PARM1: variants seen among roughly 807,000 people sequenced by gnomAD.
PARM1 encodes the protein prostate androgen-regulated mucin-like protein 1, also known as WSC4, cell wall integrity and stress response component 4 homolog.
In PARM1, 14 loss-of-function variants were observed where a neutral mutation model predicts 24.6. That is an observed-to-expected ratio of 0.57 (90% CI 0.38 to 0.89). PARM1 has a LOEUF of 0.89. Ranked by LOEUF, PARM1 falls within the 40% of genes least tolerant of loss-of-function variation. PARM1 has a pLI of 0.00. For synonymous variants in PARM1, 179 were observed against 156.6 expected, an observed-to-expected ratio of 1.14 and a Z score of -1.07; for missense variants, 362 against 380.4, an observed-to-expected ratio of 0.95 and a Z score of 0.40.
intron 1 of PARM1, among the ~76,000 whole-genome samples, chr4:74,977,632 T>C (rs980058864): frequency 1.3e-5 from 2 of 152,070 alleles, no homozygotes; most frequent in Non-Finnish European, 2.9e-5. Flanking sequence ...TAAAATACTC[T>C]ATGAGAAAAA....
chr4:75,039,528 AAAAAT>A (rs1376921362), intron 3 of PARM1, among the ~76,000 whole-genome samples: 4 of 152,184 alleles, frequency 2.6e-5, no homozygotes, highest in African/African-American at 7.2e-5. Context: ...AGCGAGAAAA[AAAAAT>A]AAAATAAAAT....
At position 74,949,404 on chromosome 4, in the gene PARM1, C is replaced by T. The variant is rs190124998; in HGVS notation, c.43+16034C>T. Among the ~76,000 whole-genome samples the T allele has an allele frequency of 8.2e-3, 1,246 of 152,180 alleles. 8 individuals carry two copies. Among genetic ancestry groups the T allele is most frequent in the Middle Eastern group, 0.014 (4 of 294 alleles). ...CACGATCTCGGCTCACTGCAAGCTC[C>T]GCCTCCCAGTTTCACGCCATCCTCC... On this transcript the variant is annotated intron_variant, in intron 1 of 3. Transcript: ENST00000307428.
At chr4:75,038,360 G>A (rs967003840) in intron 3 of PARM1, among the ~76,000 whole-genome samples, 21 of 152,344 alleles carry the variant, frequency 1.4e-4, no homozygotes, top group Non-Finnish European at 2.6e-4. Flanking sequence ...TGAGGATGAT[G>A]GAAGGTCAAT....
At chr4:74,954,269 T>C (rs951485608) in intron 1 of PARM1, among the ~76,000 whole-genome samples, 3 of 152,218 alleles carry the variant, frequency 2.0e-5, no homozygotes, top group African/African-American at 7.2e-5. Flanking sequence ...TAGGAGGGCA[T>C]AGAAAACTTG....
chr4:74,976,926 G>A (rs570054194), intron 1 of PARM1, among the ~76,000 whole-genome samples: 58 of 152,236 alleles, frequency 3.8e-4, no homozygotes, highest in African/African-American at 1.4e-3. Context: ...ATATTGACAA[G>A]AAGACCCTAC....
At chr4:74,975,880 AC>A (rs1722131357) in intron 1 of PARM1, among the ~76,000 whole-genome samples, 1 of 152,170 alleles carries the variant, frequency 6.6e-6, no homozygotes, top group African/African-American at 2.4e-5. Flanking sequence ...TAAATCCTAC[AC>A]CTTCAGCACA....
At chr4:74,999,962 T>G (rs1202866595) in intron 1 of PARM1, among the ~76,000 whole-genome samples, 1 of 151,962 alleles carries the variant, frequency 6.6e-6, no homozygotes, top group Non-Finnish European at 1.5e-5. Context: ...GTTTTTGTCT[T>G]TTTTTTTCCT....
At chr4:74,976,948 C>T (rs1009205987) in intron 1 of PARM1, among the ~76,000 whole-genome samples, 1 of 152,260 alleles carries the variant, frequency 6.6e-6, no homozygotes, top group South Asian at 2.1e-4. Context: ...AAAACCCTAT[C>T]CAAAGGTCAT....
At chr4:74,949,328 C>CT (rs900576358) in intron 1 of PARM1, among the ~76,000 whole-genome samples, 23 of 151,882 alleles carry the variant, frequency 1.5e-4, no homozygotes, top group Non-Finnish European at 5.9e-5. Context: ...GGTCAGTTTT[C>CT]TTTTTTTTGA....
chr4:75,029,170 T>A (rs1486576302), intron 2 of PARM1, among the ~76,000 whole-genome samples: 1 of 152,072 alleles, frequency 6.6e-6, no homozygotes, highest in Non-Finnish European at 1.5e-5. Context: ...CTGGACTGCC[T>A]CAGGGTATAG....
intron 2 of PARM1, among the ~76,000 whole-genome samples, chr4:75,030,568 C>G (rs1429562345): frequency 6.6e-6 from 1 of 152,178 alleles, no homozygotes; most frequent in East Asian, 1.9e-4. Flanking sequence ...CTTCACCAGC[C>G]CTCTGGATAG....
chr4:74,987,790 G>A (rs1722385043), intron 1 of PARM1, among the ~76,000 whole-genome samples: 1 of 152,174 alleles, frequency 6.6e-6, no homozygotes, highest in Non-Finnish European at 1.5e-5. Flanking sequence ...AAAATCAGAT[G>A]TAAAGAAGCA....
chr4:74,992,395 C>T (rs539110003), intron 1 of PARM1, among the ~76,000 whole-genome samples: 6 of 152,062 alleles, frequency 3.9e-5, no homozygotes, highest in Non-Finnish European at 7.4e-5. Flanking sequence ...TACACATGTC[C>T]TCAAAGAAAG....
intron 1 of PARM1, among the ~76,000 whole-genome samples, chr4:74,951,102 G>T (rs140509883): frequency 6.6e-6 from 1 of 152,216 alleles, no homozygotes; most frequent in African/African-American, 2.4e-5. Context: ...AATAGCAGCC[G>T]TTCTGGTAAC....
At position 74,933,280 on chromosome 4, in the gene PARM1, A is replaced by G; in HGVS notation, c.-48A>G. ...CGCCCAGTGCGCTCTGTCAGTCCGC[A>G]AACTCCTTGCCGCCCGCCCCGGGCT... On this transcript the variant is annotated 5_prime_UTR_variant, in exon 1 of 4. Coordinates refer to ENST00000307428, the MANE Select transcript of PARM1 (RefSeq NM_015393.4). 6.3e-7 allele frequency: 1 copy of G among 1,580,002 alleles called. No homozygotes were observed. Among genetic ancestry groups the G allele is most frequent in the African/African-American group, 1.3e-5 (1 of 74,080 alleles).
rs1047873022 is a variant in PARM1 at position 75,026,407 on chromosome 4, A to G, written c.770-7476A>G. The stretch of plus-strand genomic sequence containing the variant: ...ATAATATGCATAACCACCCACAGCT[A>G]CATATGGCAGTATCAGTTACATACT... On this transcript the variant is annotated intron_variant, in intron 2 of 3. Coordinates refer to ENST00000307428, the MANE Select transcript of PARM1 (RefSeq NM_015393.4). Among the ~76,000 whole-genome samples the G allele has an allele frequency of 3.3e-4, 50 of 152,368 alleles. 1 individual carries two copies. Among genetic ancestry groups the G allele is most frequent in the Middle Eastern group, 3.4e-3 (1 of 294 alleles).
chr4:74,998,108 C>T (rs1460258349), intron 1 of PARM1, among the ~76,000 whole-genome samples: 3 of 152,162 alleles, frequency 2.0e-5, no homozygotes, highest in Non-Finnish European at 4.4e-5. Flanking sequence ...GTACTCCAAT[C>T]ACAGTGCCAA....
At chr4:74,991,351 C>T (rs952585677) in intron 1 of PARM1, among the ~76,000 whole-genome samples, 1 of 152,064 alleles carries the variant, frequency 6.6e-6, no homozygotes, top group Non-Finnish European at 1.5e-5. Context: ...AAAGTGAGTC[C>T]TACAATTGCC....
rs1453765183 is a variant in PARM1 at position 74,982,450 on chromosome 4, TTAAAA to T, written c.44-29970_44-29966del. On this transcript the variant is annotated intron_variant, in intron 1 of 3. Coordinates refer to ENST00000307428, the MANE Select transcript of PARM1 (RefSeq NM_015393.4). ...ACATCCTGCACATGTACCCCAGAAC[TTAAAA>T]TAAATAAAATTAAAATTAAGAAAAT... is the stretch of plus-strand genomic sequence containing the variant. Among the ~76,000 whole-genome samples the T allele has an allele frequency of 1.6e-4, 25 of 152,084 alleles. 2 individuals are homozygous for T. In the South Asian group the frequency reaches 4.6e-3, roughly 28 times the overall value.
Sources: allele counts gnomAD v4.1 joint callset (sites outside exome capture counted in the v4.1 genomes callset), GRCh38; gene constraint gnomAD v4.1.1; transcripts MANE v1.5; gene names NCBI Gene and HGNC (gene_info 2026-07-23, HGNC 2026-07-21).